Variants in COX10 observed in about 807,000 individuals in gnomAD.
The protein encoded by COX10 is cytochrome c oxidase assembly factor heme A:farnesyltransferase COX10, also known as protoheme IX farnesyltransferase, mitochondrial.
COX10 carries 27 observed loss-of-function variants against 37.3 expected under a neutral mutation model. The ratio of observed to expected loss-of-function variants is 0.72; its 90% CI spans 0.53 to 1.00. The LOEUF is 1.00. Ranked by LOEUF, COX10 falls within the 50% of genes least tolerant of loss-of-function variation. COX10 has a pLI of 0.00. For missense variants in COX10, 475 were observed against 563.2 expected (o/e 0.84, Z 1.59); for synonymous variants, 222 against 229.1 (o/e 0.97, Z 0.28).
At chr17:14,076,427 A>G (rs920788362) in intron 2 of COX10, among the ~76,000 whole-genome samples, 15 of 145,764 alleles carry the variant, frequency 1.0e-4, no homozygotes, top group Middle Eastern at 3.5e-3. Flanking sequence ...TTAAGCCTCC[A>G]GGGAAAATTC....
At chr17:14,069,895 T>G (rs1433447804) in intron 1 of COX10, among the ~76,000 whole-genome samples, 1 of 152,024 alleles carries the variant, frequency 6.6e-6, no homozygotes, top group Non-Finnish European at 1.5e-5. Context: ...GGAAGAGCGG[T>G]GTCTTCCTGC....
intron 4 of COX10, among the ~76,000 whole-genome samples, chr17:14,111,602 C>T (rs1313604977): frequency 1.3e-5 from 2 of 152,030 alleles, no homozygotes; most frequent in Non-Finnish European, 2.9e-5. Flanking sequence ...CTACCACTTA[C>T]AAGGAAGAAA....
intron 3 of COX10, among the ~76,000 whole-genome samples, chr17:14,081,316 G>A (rs559911771): frequency 2.5e-4 from 38 of 152,300 alleles, no homozygotes; most frequent in African/African-American, 8.2e-4. Flanking sequence ...AGGCTGTGGT[G>A]GGGAAAGAGA....
chr17:14,084,368 A>G (rs1276639981), intron 3 of COX10, among the ~76,000 whole-genome samples: 1 of 152,158 alleles, frequency 6.6e-6, no homozygotes, highest in Non-Finnish European at 1.5e-5. Context: ...AAAAGAGAAG[A>G]TTGAAATCCT....
At chr17:14,112,785 C>T (rs1057509142) in intron 4 of COX10, among the ~76,000 whole-genome samples, 1 of 151,838 alleles carries the variant, frequency 6.6e-6, no homozygotes, top group Non-Finnish European at 1.5e-5. Context: ...GAGTAAAGAC[C>T]CAGAGATGTG....
chr17:14,200,967 A>T (rs1008306383), intron 6 of COX10, among the ~76,000 whole-genome samples: 6 of 152,226 alleles, frequency 3.9e-5, no homozygotes, highest in Non-Finnish European at 8.8e-5. Flanking sequence ...AGTAACATTC[A>T]CCATGGGCTG....
intron 4 of COX10, among the ~76,000 whole-genome samples, chr17:14,116,511 T>G (rs1916113500): frequency 6.6e-6 from 1 of 152,152 alleles, no homozygotes; most frequent in Non-Finnish European, 1.5e-5. Context: ...CCCTCAAACC[T>G]GCTCTGACTT....
chr17:14,151,640 A>T (rs1262264644), intron 4 of COX10, among the ~76,000 whole-genome samples: 2 of 152,096 alleles, frequency 1.3e-5, no homozygotes, highest in Non-Finnish European at 2.9e-5. Flanking sequence ...CCTTACAAGC[A>T]TTTAAATCAC....
chr17:14,188,006 T>C (rs1567610758), intron 5 of COX10, among the ~76,000 whole-genome samples: 1 of 152,178 alleles, frequency 6.6e-6, no homozygotes, highest in African/African-American at 2.4e-5. Flanking sequence ...ATTAAATTCA[T>C]GTGTGCTCTT....
At chr17:14,086,586 C>T (rs544515574) in intron 3 of COX10, among the ~76,000 whole-genome samples, 1 of 152,092 alleles carries the variant, frequency 6.6e-6, no homozygotes, top group Non-Finnish European at 1.5e-5. Context: ...TAGATCAGTA[C>T]ATGTATTGAT....
chr17:14,134,479 TC>T (rs906176766), intron 4 of COX10, among the ~76,000 whole-genome samples: 2 of 151,818 alleles, frequency 1.3e-5, no homozygotes, highest in Non-Finnish European at 3.0e-5. Context: ...ATGAAAAGCA[TC>T]CGCCTTTGTC....
In COX10 at chr17:14,207,836, C is replaced by T. The variant is rs949020072; in HGVS notation, c.*623C>T. 2.0e-5 allele frequency: 3 copies of T among 152,792 alleles called. No homozygotes were observed. The highest frequency in any genetic ancestry group is 1.3e-4 in the Admixed American group (2 of 15,294). 9.5% of individuals were successfully genotyped at this position (152,792 alleles called of 1,614,324 possible). ...CCTTGGGAGTCTCAAGCTGGACTGCCAGCCCCTGTCCTCCCTTCACCCCCA... is the reference window on the plus strand; with the variant it reads ...CCTTGGGAGTCTCAAGCTGGACTGCTAGCCCCTGTCCTCCCTTCACCCCCA... On this transcript the variant is annotated 3_prime_UTR_variant, in exon 7 of 7. Coordinates refer to ENST00000261643, the MANE Select transcript of COX10 (RefSeq NM_001303.4).
At chr17:14,096,806 A>G (rs1329529504) in intron 3 of COX10, among the ~76,000 whole-genome samples, 1 of 152,164 alleles carries the variant, frequency 6.6e-6, no homozygotes, top group Admixed American at 6.6e-5. Flanking sequence ...TGGACCTAGT[A>G]GTCAGGACCA....
chr17:14,100,100 C>T (rs1469555492), intron 3 of COX10, among the ~76,000 whole-genome samples: 1 of 152,138 alleles, frequency 6.6e-6, no homozygotes, highest in Non-Finnish European at 1.5e-5. Flanking sequence ...ATGGCATGGC[C>T]TCTTAACATG....
At chr17:14,158,113 C>T (rs1486138343) in intron 4 of COX10, among the ~76,000 whole-genome samples, 1 of 151,934 alleles carries the variant, frequency 6.6e-6, no homozygotes, top group Admixed American at 6.6e-5. Context: ...AGGGAATCCT[C>T]ACTGTGGGTA....
At chr17:14,079,139 A>G (rs547255241) in intron 3 of COX10, among the ~76,000 whole-genome samples, 19 of 152,372 alleles carry the variant, frequency 1.2e-4, no homozygotes, top group African/African-American at 4.6e-4. Flanking sequence ...ATCCACATCT[A>G]TAAAGTAGGA....
At chr17:14,080,219 C>CT (rs71147840) in intron 3 of COX10, among the ~76,000 whole-genome samples, 4,004 of 102,768 alleles carry the variant, frequency 0.039, 136 homozygotes, top group African/African-American at 0.054. Flanking sequence ...ATTAGACTTT[C>CT]TTTTTTTTTT....
At chr17:14,119,433 A>G (rs1005351869) in intron 4 of COX10, among the ~76,000 whole-genome samples, 2 of 151,916 alleles carry the variant, frequency 1.3e-5, no homozygotes, top group Non-Finnish European at 1.5e-5. Context: ...AATGGTAGGC[A>G]AAAAAAACCT....
rs745492359 is a variant in COX10 at position 14,206,942 on chromosome 17, G to A, written c.1061G>A (p.Arg354Gln). ...MMSVTHPGLC[R>Q]RVALRHCLAL... ...TCGGTCACCCACCCGGGCCTGTGCC[G>A]GCGCGTGGCGCTGCGCCACTGCCTG... Residue 354 changes from arginine (R) to glutamine (Q), a missense_variant, in exon 7 of 7, where the codon CGG becomes CAG. This residue lies in a region of COX10 where 160 missense variants were observed against 180.6 expected (regional missense o/e 0.89). Coordinates refer to ENST00000261643, the MANE Select transcript of COX10 (RefSeq NM_001303.4). The A allele has an allele frequency of 6.1e-5, 99 of 1,613,534 alleles. No homozygotes were observed. Among genetic ancestry groups the A allele is most frequent in the South Asian group, 9.9e-5 (9 of 91,060 alleles).
Sources: gnomAD v4.1 joint callset for allele counts (sites outside exome capture counted in the v4.1 genomes callset) on GRCh38, gnomAD v4.1.1 for gene constraint, gnomAD v4.1.1 regional missense constraint, MANE v1.5 for transcripts, NCBI Gene and HGNC (gene_info 2026-07-23, HGNC 2026-07-21) for gene names.